Variants in DLG2 observed in about 807,000 individuals in gnomAD.
The protein encoded by DLG2 is disks large homolog 2.
DLG2 carries 45 observed loss-of-function variants against 132.5 expected under a neutral mutation model. The observed-to-expected ratio is 0.34, with a 90% CI of 0.27 to 0.44. The LOEUF is 0.44. Among genes scored for constraint, DLG2 ranks in the 20% least tolerant of loss-of-function variants. The pLI, the probability that DLG2 is intolerant of heterozygous loss-of-function variation, is 1.00. For missense variants in DLG2, 1,045 were observed against 1,196.9 expected (o/e 0.87, Z 1.87); for synonymous variants, 424 against 419.6 (o/e 1.01, Z -0.13).
chr11:85,395,664 G>A (rs2087268932), intron 3 of DLG2, among the ~76,000 whole-genome samples: 1 of 152,186 alleles, frequency 6.6e-6, no homozygotes, highest in Non-Finnish European at 1.5e-5. Context: ...TAGCACAGCA[G>A]TCTGAGATTG....
intron 6 of DLG2, among the ~76,000 whole-genome samples, chr11:84,603,327 GA>G (rs2099580000): frequency 6.6e-6 from 1 of 151,816 alleles, no homozygotes; most frequent in South Asian, 2.1e-4. Flanking sequence ...ATTTCTAAAT[GA>G]AAAAATGAAT....
chr11:84,926,110 G>C (rs1282059242), intron 6 of DLG2, among the ~76,000 whole-genome samples: 2 of 151,924 alleles, frequency 1.3e-5, no homozygotes. Context: ...ACATAAAACT[G>C]AATGAAGCAC....
chr11:84,318,363 C>T (rs928910922), intron 7 of DLG2, among the ~76,000 whole-genome samples: 1 of 152,208 alleles, frequency 6.6e-6, no homozygotes, highest in East Asian at 1.9e-4. Flanking sequence ...TCACACATTA[C>T]TAAGGAAATA....
intron 7 of DLG2, among the ~76,000 whole-genome samples, chr11:84,410,516 G>C (rs1601638599): frequency 6.9e-6 from 1 of 144,510 alleles, no homozygotes; most frequent in Non-Finnish European, 1.5e-5. Flanking sequence ...AAAGTGTATA[G>C]AAAACACCTA....
chr11:84,913,656 CAT>C (rs1208282872), intron 6 of DLG2, among the ~76,000 whole-genome samples: 1 of 151,932 alleles, frequency 6.6e-6, no homozygotes, highest in Non-Finnish European at 1.5e-5. Flanking sequence ...CATTCATATA[CAT>C]ATATATAGGA....
At chr11:84,519,109 C>G (rs1444616838) in intron 7 of DLG2, among the ~76,000 whole-genome samples, 4 of 152,142 alleles carry the variant, frequency 2.6e-5, no homozygotes, top group Admixed American at 6.6e-5. Flanking sequence ...GTTAGCTACT[C>G]TTAAAATTTC....
chr11:84,623,709 A>C (rs1284627035), intron 6 of DLG2, among the ~76,000 whole-genome samples: 1 of 152,182 alleles, frequency 6.6e-6, no homozygotes, highest in Non-Finnish European at 1.5e-5. Flanking sequence ...ATGCATACAC[A>C]TAGTATTTAA....
intron 6 of DLG2, among the ~76,000 whole-genome samples, chr11:84,932,693 T>C (rs2048242449): frequency 6.6e-6 from 1 of 151,014 alleles, no homozygotes; most frequent in South Asian, 2.1e-4. Flanking sequence ...CATGATCTCA[T>C]TCCTTTTTTA....
intron 3 of DLG2, among the ~76,000 whole-genome samples, chr11:85,563,149 A>G (rs887078471): frequency 6.6e-6 from 1 of 151,788 alleles, no homozygotes; most frequent in African/African-American, 2.4e-5. Context: ...CTTACTAGCT[A>G]TGTAAACTTG....
intron 3 of DLG2, among the ~76,000 whole-genome samples, chr11:85,394,471 C>T (rs891540092): frequency 1.3e-5 from 2 of 152,196 alleles, no homozygotes; most frequent in African/African-American, 2.4e-5. Flanking sequence ...AAAGACAACA[C>T]TGATGTCTGT....
intron 4 of DLG2, among the ~76,000 whole-genome samples, chr11:85,232,392 T>C (rs1035754837): frequency 3.9e-5 from 6 of 151,938 alleles, no homozygotes; most frequent in Non-Finnish European, 8.8e-5. Context: ...AATAGCCTAA[T>C]TGACAAAGAC....
chr11:84,837,928 A>G (rs954234972), intron 6 of DLG2, among the ~76,000 whole-genome samples: 2 of 151,790 alleles, frequency 1.3e-5, no homozygotes, highest in Non-Finnish European at 1.5e-5. Context: ...GCCCCACACC[A>G]GACTCACCGA....
At chr11:84,135,903 G>A (rs35615041) in intron 9 of DLG2, among the ~76,000 whole-genome samples, 5,282 of 152,150 alleles carry the variant, frequency 0.035, 143 homozygotes, top group Non-Finnish European at 0.055. Flanking sequence ...TAGTTAGGTG[G>A]CTGCTCTAAT....
chr11:83,635,128 C>A (rs181271763), intron 18 of DLG2, among the ~76,000 whole-genome samples: 4 of 152,226 alleles, frequency 2.6e-5, no homozygotes, highest in Admixed American at 6.5e-5. Flanking sequence ...ATAGTCCCAG[C>A]TATTTGGGAG....
chr11:85,427,978 T>C (rs958227701), intron 3 of DLG2, among the ~76,000 whole-genome samples: 38 of 152,184 alleles, frequency 2.5e-4, no homozygotes, highest in Non-Finnish European at 5.6e-4. Flanking sequence ...GTTGCAATCC[T>C]AGTCTCTGAT....
At chr11:84,809,707 T>C (rs2076361021) in intron 6 of DLG2, among the ~76,000 whole-genome samples, 1 of 152,008 alleles carries the variant, frequency 6.6e-6, no homozygotes, top group South Asian at 2.1e-4. Flanking sequence ...ATAAATACTG[T>C]ATATCAAAAA....
chr11:83,467,658 G>C (rs563412924), intron 25 of DLG2, among the ~76,000 whole-genome samples: 8 of 151,532 alleles, frequency 5.3e-5, no homozygotes, highest in Admixed American at 4.6e-4. Context: ...GCTGAGGCAG[G>C]AGAATCACTT....
chr11:83,679,517 G>A (rs1003149634), intron 18 of DLG2, among the ~76,000 whole-genome samples: 1 of 151,946 alleles, frequency 6.6e-6, no homozygotes, highest in Non-Finnish European at 1.5e-5. Flanking sequence ...GAACAGAAAG[G>A]TAATAACCCT....
intron 6 of DLG2, among the ~76,000 whole-genome samples, chr11:85,078,983 C>G (rs349061): frequency 6.6e-6 from 1 of 151,658 alleles, no homozygotes; most frequent in Admixed American, 6.6e-5. Context: ...AGAACATGCA[C>G]CCAAGGTAGT....
Sources: gnomAD v4.1 joint callset for allele counts (sites outside exome capture counted in the v4.1 genomes callset) on GRCh38, gnomAD v4.1.1 for gene constraint, MANE v1.5 for transcripts, NCBI Gene and HGNC (gene_info 2026-07-23, HGNC 2026-07-21) for gene names.